ATP6V1C2: variants seen among roughly 807,000 people sequenced by gnomAD.
ATP6V1C2 encodes the protein V-type proton ATPase subunit C 2.
Under a neutral mutation model 56.8 loss-of-function variants are expected in ATP6V1C2, and 45 were observed. The ratio of observed to expected loss-of-function variants is 0.79; its 90% confidence interval spans 0.62 to 1.02. The LOEUF (loss-of-function observed/expected upper bound fraction) is 1.02. Among genes scored for constraint, ATP6V1C2 ranks in the 50% least tolerant of loss-of-function variants. The pLI, the probability that ATP6V1C2 is intolerant of heterozygous loss-of-function variation, is 0.00. For synonymous variants in ATP6V1C2, 220 were observed against 201.3 expected (o/e 1.09, Z -0.79); for missense variants, 463 against 519.7 (o/e 0.89, Z 1.06).
intron 2 of ATP6V1C2, among the ~76,000 whole-genome samples, chr2:10,723,887 G>A (rs1439521694): frequency 2.7e-5 from 4 of 146,480 alleles, no homozygotes; most frequent in Admixed American, 6.8e-5. Flanking sequence ...TTTTCCCCCC[G>A]AGTAGCTGGG....
At chr2:10,782,195 T>C in intron 12 of ATP6V1C2, 48 bp from the exon 13 acceptor site, 1 of 1,608,162 alleles carries the variant, frequency 6.2e-7, no homozygotes, top group Non-Finnish European at 8.5e-7. Context: ...CTTCTATCCG[T>C]GTTTGCATTT....
At chr2:10,730,942 T>A (rs1661916536) in intron 3 of ATP6V1C2, among the ~76,000 whole-genome samples, 1 of 144,948 alleles carries the variant, frequency 6.9e-6, no homozygotes, top group Non-Finnish European at 1.5e-5. Flanking sequence ...CATGAGCCAC[T>A]GCGCCCTGCC....
At chr2:10,746,326 G>A (rs891604237) in intron 3 of ATP6V1C2, among the ~76,000 whole-genome samples, 5 of 151,376 alleles carry the variant, frequency 3.3e-5, no homozygotes, top group Admixed American at 2.6e-4. Context: ...ATGCCGCTAT[G>A]TTTATTTTTA....
Position 10,777,637 on chromosome 2 carries a change from A to G in ATP6V1C2, c.878A>G (p.Lys293Arg), listed in dbSNP as rs763712608. The change falls in exon 11 of 14, where the codon AAG becomes AGG. Residue 293 changes from lysine (K) to arginine (R), a missense_variant. Coordinates refer to ENST00000272238, the MANE Select transcript of ATP6V1C2 (RefSeq NM_001039362.2). ...GGATCATCCACCTTCCCGGACCACA[A>G]GGTTAAGGTAACCCCGCTAGGTAAC... is the stretch of plus-strand genomic sequence containing the variant. ...KKGSSTFPDH[K>R]VKVTPLGNPD... 3 of 1,614,142 alleles carry G rather than the reference A, an allele frequency of 1.9e-6. No individual in the cohort carries two copies. The highest frequency in any genetic ancestry group is 2.2e-5 in the South Asian group (2 of 91,076).
At position 10,763,828 on chromosome 2, in the gene ATP6V1C2, A is replaced by C. The variant is rs544561229; in HGVS notation, c.284-503A>C. 1.1e-3 allele frequency among the ~76,000 whole-genome samples: 172 copies of C among 152,178 alleles called. 2 individuals are homozygous for C. Among genetic ancestry groups the C allele is most frequent in the Admixed American group, 2.2e-3 (33 of 15,288 alleles). On this transcript the variant is annotated intron_variant, in intron 4 of 13. Coordinates refer to ENST00000272238, the MANE Select transcript of ATP6V1C2 (RefSeq NM_001039362.2). This position sits in a 1 kb window ranked among gnomAD's most constrained non-coding sequence, Gnocchi z 4.2. ...AGAGCCCTGGGGGTTGAGTCAGCTGAGGTTTATTCAGTGTTGCTTCTTTCT... is the reference window on the plus strand; with the variant it reads ...AGAGCCCTGGGGGTTGAGTCAGCTGCGGTTTATTCAGTGTTGCTTCTTTCT...
chr2:10,739,679 C>T (rs1662440432), intron 3 of ATP6V1C2, among the ~76,000 whole-genome samples: 1 of 152,210 alleles, frequency 6.6e-6, no homozygotes, highest in South Asian at 2.1e-4. Flanking sequence ...CCACAGCCCA[C>T]TATTAAAGCC....
Position 10,782,252 on chromosome 2 carries a change from A to C in ATP6V1C2, c.1071A>C (p.Leu357=). The change falls in exon 13 of 14, where the codon CTA becomes CTC. Residue 357 remains leucine, a synonymous_variant. Coordinates refer to ENST00000272238, the MANE Select transcript of ATP6V1C2 (RefSeq NM_001039362.2). The part of the protein sequence containing the change: ...VFVESVLRYG[L]PVNFQAVLLQ... ...TTGTCTATCTGAAAAGGTATGGACT[A>C]CCAGTGAACTTCCAGGCAGTGCTCC... 1.2e-6 allele frequency: 2 copies of C among 1,614,164 alleles called. No individual in the cohort carries two copies. Among genetic ancestry groups the C allele is most frequent in the Non-Finnish European group, 1.7e-6 (2 of 1,180,028 alleles).
upstream of ATP6V1C2, among the ~76,000 whole-genome samples, chr2:10,721,225 T>G (rs941988188): frequency 5.9e-5 from 9 of 152,112 alleles, no homozygotes; most frequent in Non-Finnish European, 1.3e-4. Context: ...GAGTAGGTGA[T>G]TCCCCTGAGA....
At chr2:10,757,839 C>G (rs1176713082) in intron 4 of ATP6V1C2, among the ~76,000 whole-genome samples, 1 of 152,180 alleles carries the variant, frequency 6.6e-6, no homozygotes, top group Non-Finnish European at 1.5e-5. Context: ...ACCTTAAACT[C>G]CAGGCTTCAC....
At chr2:10,753,861 C>A in intron 3 of ATP6V1C2, 120 bp from the exon 4 acceptor site, 1 of 876,480 alleles carries the variant, frequency 1.1e-6, no homozygotes, top group Non-Finnish European at 1.8e-6. Flanking sequence ...CCTCTTCATA[C>A]ATCTTGCCAA....
In ATP6V1C2 at chr2:10,777,623, C is replaced by T. The variant is rs769875233; in HGVS notation, c.864C>T (p.Thr288=). The T allele has an allele frequency of 2.5e-6, 4 of 1,613,930 alleles. No individual in the cohort carries two copies. The highest frequency in any genetic ancestry group is 2.7e-5 in the African/African-American group (2 of 74,904). Residue 288 remains threonine (T), a synonymous_variant, in exon 11 of 14, where the codon ACC becomes ACT. Coordinates refer to ENST00000272238, the MANE Select transcript of ATP6V1C2 (RefSeq NM_001039362.2). ...SCVALKKGSS[T]FPDHKVKVTP... ...TTGCTCTTAAAAAGGGATCATCCAC[C>T]TTCCCGGACCACAAGGTTAAGGTAA...
chr2:10,775,869 C>A (rs1664930922), intron 10 of ATP6V1C2, among the ~76,000 whole-genome samples: 1 of 152,190 alleles, frequency 6.6e-6, no homozygotes, highest in Admixed American at 6.5e-5. Context: ...ACCTTCCAGT[C>A]CAGCCTCTAG....
At chr2:10,725,698 TTG>T (rs2148404564) in intron 2 of ATP6V1C2, among the ~76,000 whole-genome samples, 1 of 151,216 alleles carries the variant, frequency 6.6e-6, no homozygotes, top group African/African-American at 2.4e-5. Context: ...TTTTGCCATA[TTG>T]GCCAGGCTGG....
At chr2:10,731,012 C>T (rs1349423017) in intron 3 of ATP6V1C2, among the ~76,000 whole-genome samples, 3 of 151,834 alleles carry the variant, frequency 2.0e-5, no homozygotes, top group Non-Finnish European at 2.9e-5. Flanking sequence ...AGTGCAGTAG[C>T]ACCATCAGGG....
At chr2:10,739,979 T>TACC (rs78250637) in intron 3 of ATP6V1C2, among the ~76,000 whole-genome samples, 1 of 9,484 alleles carries the variant, frequency 1.1e-4, no homozygotes, top group Non-Finnish European at 2.7e-4. Flanking sequence ...GTGGGCAAGC[T>TACC]TGGGAGGCTG....
intron 12 of ATP6V1C2, among the ~76,000 whole-genome samples, chr2:10,781,200 C>T (rs898140257): frequency 6.6e-6 from 1 of 152,120 alleles, no homozygotes; most frequent in Non-Finnish European, 1.5e-5. Flanking sequence ...CCCACCACAG[C>T]GAGCACAACA....
chr2:10,748,838 G>A (rs1252019473), intron 3 of ATP6V1C2, among the ~76,000 whole-genome samples: 1 of 151,972 alleles, frequency 6.6e-6, no homozygotes, highest in Non-Finnish European at 1.5e-5. Flanking sequence ...TCTCAAGAAT[G>A]GAGTCTTCTG....
rs779938143 is a variant in ATP6V1C2, at chr2:10,771,957, G to T, written c.569+20G>T. ...CCCCAAGTGAGTGCTGGGCGATCAC[G>T]AAGGAAACCGGCCCTGCCCAGTGGA... is the stretch of plus-strand genomic sequence containing the variant. On this transcript the variant is annotated intron_variant, in intron 7 of 13. Coordinates refer to ENST00000272238, the MANE Select transcript of ATP6V1C2 (RefSeq NM_001039362.2). The T allele has an allele frequency of 1.2e-6, 2 of 1,605,652 alleles. No individual in the cohort carries two copies. Among genetic ancestry groups the T allele is most frequent in the South Asian group, 2.2e-5 (2 of 90,860 alleles).
intron 3 of ATP6V1C2, among the ~76,000 whole-genome samples, chr2:10,741,483 G>A (rs1378660636): frequency 2.0e-5 from 3 of 152,086 alleles, no homozygotes; most frequent in Non-Finnish European, 4.4e-5. Flanking sequence ...CAGGTGTGGG[G>A]GCCCCTCTTG....
Sources: gnomAD v4.1 joint callset for allele counts (sites outside exome capture counted in the v4.1 genomes callset) on GRCh38, gnomAD v4.1.1 for gene constraint, Gnocchi (gnomAD v3.1) non-coding constraint, MANE v1.5 for transcripts, NCBI Gene and HGNC (gene_info 2026-07-23, HGNC 2026-07-21) for gene names.